Variants in SELP observed in about 807,000 individuals in gnomAD.
The protein encoded by SELP is P-selectin.
A neutral mutation model predicts 104.1 loss-of-function variants in SELP; 92 were observed. That is an observed-to-expected ratio of 0.88 (90% CI 0.75 to 1.05). SELP has a LOEUF of 1.05. Among genes scored for constraint, SELP ranks in the 50% least tolerant of loss-of-function variants. The pLI is 0.00. For synonymous variants in SELP, 397 were observed against 364.5 expected (o/e 1.09, Z -1.01); for missense variants, 1,022 against 1,017.3 (o/e 1.00, Z -0.06).
chr1:169,596,798 T>A (rs1397269215), intron 11 of SELP, among the ~76,000 whole-genome samples, 193 bp downstream of exon 11: 1 of 152,250 alleles, frequency 6.6e-6, no homozygotes, highest in Non-Finnish European at 1.5e-5. Context: ...TAAGAATCAA[T>A]ATACCTTTTA....
chr1:169,622,316 G>A (rs1663178546), intron 1 of SELP, among the ~76,000 whole-genome samples: 1 of 152,310 alleles, frequency 6.6e-6, no homozygotes, highest in South Asian at 2.1e-4. Flanking sequence ...ACTAAATTTT[G>A]ATAGTAAATC....
chr1:169,602,325 C>A (rs1260971730), intron 10 of SELP, among the ~76,000 whole-genome samples: 1 of 152,156 alleles, frequency 6.6e-6, no homozygotes, highest in African/African-American at 2.4e-5. Context: ...TCTCACCCAT[C>A]CCTAAATAAG....
intron 3 of SELP, among the ~76,000 whole-genome samples, chr1:169,615,629 G>C (rs942032357): frequency 6.6e-6 from 1 of 152,152 alleles, no homozygotes; most frequent in African/African-American, 2.4e-5. Context: ...AGCTGACTGG[G>C]AGAGCAGTAG....
In SELP at chr1:169,612,981, C is replaced by T. The variant is rs1662622180; in HGVS notation, c.723G>A (p.Lys241=). 1 of 1,613,600 alleles carries T rather than the reference C, an allele frequency of 6.2e-7. No homozygotes were observed. Among genetic ancestry groups the T allele is most frequent in the Non-Finnish European group, 8.5e-7 (1 of 1,179,614 alleles). The change falls in exon 5 of 17, where the codon AAG becomes AAA. Residue 241 remains lysine (K), a synonymous_variant. Transcript: ENST00000263686. The part of the protein sequence containing the change: ...TDGYQVNGPS[K]LECLASGIWT... ...AGATTCCAGAAGCCAAGCATTCCAG[C>T]TTGCTGGGCCCATTTACTTGGTACC...
In SELP at chr1:169,593,741, C is replaced by T; in HGVS notation, c.2288-17G>A. 3.1e-6 allele frequency: 5 copies of T among 1,612,700 alleles called. No homozygotes were observed. The highest frequency in any genetic ancestry group is 4.2e-6 in the Non-Finnish European group (5 of 1,179,188). ...ATGGTCCTGCTACAAAACAAACACA[C>T]ACACATGCAAGACATAAGAAGTGTA... On this transcript the variant is annotated splice_polypyrimidine_tract_variant and intron_variant, in intron 13 of 16. Transcript: ENST00000263686.
chr1:169,600,857 G>T (rs1661872044), intron 10 of SELP, among the ~76,000 whole-genome samples: 1 of 152,208 alleles, frequency 6.6e-6, no homozygotes, highest in African/African-American at 2.4e-5. Context: ...ATCAGGATCA[G>T]TCAAGGTTGA....
At chr1:169,605,230 G>A (rs1038919753) in intron 9 of SELP, among the ~76,000 whole-genome samples, 4 of 152,154 alleles carry the variant, frequency 2.6e-5, no homozygotes, top group Non-Finnish European at 4.4e-5. Flanking sequence ...AAGTTGTGTG[G>A]ACTTTGTGAT....
intron 3 of SELP, among the ~76,000 whole-genome samples, chr1:169,616,717 C>T (rs761086713): frequency 3.3e-5 from 5 of 152,168 alleles, no homozygotes; most frequent in Non-Finnish European, 7.4e-5. Context: ...CTGGTCCTCA[C>T]TTTGCTTCTG....
intron 1 of SELP, among the ~76,000 whole-genome samples, chr1:169,628,571 C>T (rs1663489373): frequency 6.6e-6 from 1 of 152,162 alleles, no homozygotes; most frequent in African/African-American, 2.4e-5. Flanking sequence ...GGGTTCTTAC[C>T]CTGGGATCCA....
intron 10 of SELP, among the ~76,000 whole-genome samples, chr1:169,600,497 T>G (rs1424208314): frequency 1.3e-5 from 2 of 152,138 alleles, no homozygotes; most frequent in Admixed American, 6.5e-5. Context: ...GAGGAACAAC[T>G]AGGCAGAGGC....
chr1:169,612,554 T>G (rs936147361), intron 5 of SELP, 152 bp from the exon 6 acceptor site: 1 of 687,250 alleles, frequency 1.5e-6, no homozygotes, highest in Admixed American at 2.9e-5. Context: ...AATAGCTGCT[T>G]GGAAAGATCA....
At position 169,627,180 on chromosome 1, in the gene SELP, A is replaced by G. The variant is rs1440285780; in HGVS notation, c.3+2892T>C. Among the ~76,000 whole-genome samples the G allele has an allele frequency of 2.6e-5, 4 of 152,330 alleles. No individual in the cohort carries two copies. In the East Asian group the frequency reaches 5.8e-4, roughly 22 times the overall value. ...GTTGGTAGCAAAGCCCAGATGTTAC[A>G]AGCTATTACAGCTAATACATTAGTT... On this transcript the variant is annotated intron_variant, in intron 1 of 16. Coordinates refer to ENST00000263686, the MANE Select transcript of SELP (RefSeq NM_003005.4).
intron 1 of SELP, among the ~76,000 whole-genome samples, chr1:169,622,266 A>G (rs567721909): frequency 6.6e-6 from 1 of 152,308 alleles, no homozygotes; most frequent in African/African-American, 2.4e-5. Context: ...ATTTCCTTTC[A>G]TCAGCTTTGA....
intron 1 of SELP, among the ~76,000 whole-genome samples, chr1:169,624,819 C>A (rs1318138922): frequency 1.3e-5 from 2 of 152,110 alleles, no homozygotes; most frequent in African/African-American, 4.8e-5. Flanking sequence ...GTGGAAGAAG[C>A]AAATGCCTTG....
In SELP at chr1:169,617,258, G is replaced by T; in HGVS notation, c.251C>A (p.Pro84His). 1.2e-6 allele frequency: 2 copies of T among 1,614,056 alleles called. No individual in the cohort carries two copies. The highest frequency in any genetic ancestry group is 1.7e-6 in the Non-Finnish European group (2 of 1,179,998). ...NEIDYLNKVL[P>H]YYSSYYWIGI... ...AATCCAGTAGTAGGAGCTGTAGTAG[G>T]GTAGGACCTTATTGAGGTAATCAAT... The change falls in exon 3 of 17, where the codon CCC becomes CAC. Residue 84 changes from proline (P) to histidine (H), a missense_variant. By Grantham distance (77) the Pro-to-His change is moderately conservative. Transcript: ENST00000263686.
At chr1:169,599,613 T>C (rs1201214083) in intron 10 of SELP, among the ~76,000 whole-genome samples, 3 of 152,192 alleles carry the variant, frequency 2.0e-5, no homozygotes, top group African/African-American at 7.2e-5. Flanking sequence ...TTACTTGAGT[T>C]TGATAGAGTT....
chr1:169,610,957 A>T (rs1350068111), intron 7 of SELP, among the ~76,000 whole-genome samples: 1 of 152,138 alleles, frequency 6.6e-6, no homozygotes, highest in Non-Finnish European at 1.5e-5. Context: ...CAGGTCTGGG[A>T]ATTCACTAAT....
chr1:169,595,890 G>A (rs375947518), intron 12 of SELP, 35 bp downstream of exon 12: 6 of 1,592,426 alleles, frequency 3.8e-6, no homozygotes, highest in African/African-American at 1.3e-5. Context: ...TTGCAGGAAG[G>A]CAGGTTCAGA....
intron 15 of SELP, 47 bp downstream of exon 15, chr1:169,591,379 A>G: frequency 7.4e-7 from 1 of 1,343,350 alleles, no homozygotes. Context: ...TGAATTATAA[A>G]GTTAAGGTAG....
Sources: allele counts gnomAD v4.1 joint callset (sites outside exome capture counted in the v4.1 genomes callset), GRCh38; gene constraint gnomAD v4.1.1; transcripts MANE v1.5; gene names NCBI Gene and HGNC (gene_info 2026-07-23, HGNC 2026-07-21).